Variants in DDX11 observed in about 807,000 individuals in gnomAD.
DDX11 encodes ATP-dependent DNA helicase DDX11.
Under a neutral mutation model 125.2 loss-of-function variants are expected in DDX11, and 72 were observed. The ratio of observed to expected loss-of-function variants is 0.58; its 90% CI spans 0.48 to 0.70. The LOEUF (loss-of-function observed/expected upper bound fraction) is 0.70, where lower values mean the gene tolerates loss of function less well. Ranked by LOEUF, DDX11 falls within the 30% of genes least tolerant of loss-of-function variation. The pLI is 0.00. For synonymous variants in DDX11, 347 were observed against 452.6 expected (o/e 0.77, Z 2.96); for missense variants, 883 against 1,165.0 (o/e 0.76, Z 3.52).
intron 2 of DDX11, among the ~76,000 whole-genome samples, chr12:31,079,679 CAGTCT>C (rs1343071196): frequency 6.6e-6 from 1 of 152,020 alleles, no homozygotes; most frequent in Non-Finnish European, 1.5e-5. Context: ...TTAAGATGGG[CAGTCT>C]CACTATGTGG....
intron 21 of DDX11, 44 bp downstream of exon 21, chr12:31,102,026 C>T (rs372851242): frequency 2.8e-4 from 447 of 1,596,816 alleles, no homozygotes; most frequent in Non-Finnish European, 3.7e-4. Context: ...AGGACAGTGC[C>T]ACTGAGTCCT....
intron 14 of DDX11, among the ~76,000 whole-genome samples, chr12:31,095,275 G>A (rs1945026148): frequency 6.6e-6 from 1 of 152,216 alleles, no homozygotes; most frequent in Admixed American, 6.5e-5. Flanking sequence ...CCCCAAGCTC[G>A]TAACTCAAAT....
intron 2 of DDX11, among the ~76,000 whole-genome samples, chr12:31,079,827 CAT>C (rs1941518415): frequency 6.6e-6 from 1 of 152,072 alleles, no homozygotes; most frequent in Admixed American, 6.5e-5. Context: ...TCTTTAAAAA[CAT>C]TTTTTTAACA....
intron 8 of DDX11, 55 bp from the exon 9 acceptor site, chr12:31,089,831 C>T (rs1224222031): frequency 1.6e-5 from 25 of 1,590,834 alleles, no homozygotes; most frequent in East Asian, 2.3e-5. Flanking sequence ...CTCTTGGGCC[C>T]GTGGACAGTT....
At chr12:31,095,312 A>C (rs1321721603) in intron 14 of DDX11, among the ~76,000 whole-genome samples, 6 of 152,204 alleles carry the variant, frequency 3.9e-5, no homozygotes, top group Admixed American at 6.5e-5. Context: ...CCCCGGGTAC[A>C]GGGTTCTGCC....
At chr12:31,077,588 C>T (rs1940919181) in intron 1 of DDX11, among the ~76,000 whole-genome samples, 1 of 151,958 alleles carries the variant, frequency 6.6e-6, no homozygotes, top group Non-Finnish European at 1.5e-5. Flanking sequence ...TGGCTCACGC[C>T]TGTAATCCCA....
intron 10 of DDX11, among the ~76,000 whole-genome samples, chr12:31,092,344 A>G (rs764829552): frequency 1.3e-5 from 2 of 152,128 alleles, no homozygotes; most frequent in Non-Finnish European, 2.9e-5. Flanking sequence ...CCTGTTTTAC[A>G]TTGGAAACTT....
intron 2 of DDX11, among the ~76,000 whole-genome samples, chr12:31,082,955 A>C (rs1328153365): frequency 1.3e-5 from 2 of 152,128 alleles, no homozygotes; most frequent in African/African-American, 2.4e-5. Flanking sequence ...CCCCTTTCCA[A>C]TAAGGATATT....
chr12:31,085,066 GGGA>G lies in DDX11; in HGVS notation c.586_588del (p.Glu196del). Reference sequence around the variant, plus strand: ...GAGCGGCTGGAGCAGCTGGAGTCTGGGGAGGAGGAGCTGGTCCTCGCCGAATAC... The same window carrying G: ...GAGCGGCTGGAGCAGCTGGAGTCTGGGGAGGAGCTGGTCCTCGCCGAATAC... On this transcript the variant is annotated inframe_deletion, in exon 5 of 27. Coordinates refer to ENST00000542838, the MANE Select transcript of DDX11 (RefSeq NM_030653.4). 6.2e-7 allele frequency: 1 copy of G among 1,604,772 alleles called. No individual in the cohort carries two copies. The highest frequency in any genetic ancestry group is 8.5e-7 in the Non-Finnish European group (1 of 1,175,352).
At chr12:31,092,155 C>G (rs1047964864) in intron 10 of DDX11, among the ~76,000 whole-genome samples, 1 of 152,176 alleles carries the variant, frequency 6.6e-6, no homozygotes, top group Non-Finnish European at 1.5e-5. Flanking sequence ...AGGGAGATGG[C>G]ATGTGTGAGG....
At chr12:31,089,565 A>AT in intron 8 of DDX11, 75 bp downstream of exon 8, 2 of 1,475,140 alleles carry the variant, frequency 1.4e-6, no homozygotes, top group Non-Finnish European at 1.9e-6. Context: ...ACTGAAGACC[A>AT]TTAAGTGTCT....
Position 31,103,612 on chromosome 12 carries a change from G to A in DDX11, c.2572G>A (p.Val858Ile), listed in dbSNP as rs1046457. 0.49 allele frequency: 770,229 copies of A among 1,583,138 alleles called. 197,972 individuals are homozygous for A. Among genetic ancestry groups the A allele is most frequent in the East Asian group, 0.84 (37,745 of 44,732 alleles). ...CAGGCACCAGAAGGATTTTGCCAGC[G>A]TAGTGCTCCTGGACCAGCGATATGC... ...AIRHQKDFAS[V>I]VLLDQRYARP... is the part of the protein sequence containing the mutation. The change falls in exon 26 of 27, where the codon GTA (valine) becomes ATA (isoleucine). Residue 858 changes from valine to isoleucine, a missense_variant. Around this residue, in one of 5 missense-constraint regions of DDX11, gnomAD observed 285 missense variants for 346.0 expected, o/e 0.82. Transcript: ENST00000542838.
chr12:31,099,013 G>T (rs1305736489), intron 18 of DDX11, among the ~76,000 whole-genome samples: 1 of 151,482 alleles, frequency 6.6e-6, no homozygotes, highest in East Asian at 1.9e-4. Flanking sequence ...TCGTGCTCCT[G>T]GGGCGTTTTG....
rs953170405 is a variant in DDX11, at chr12:31,094,875, C to G, written c.1482+53C>G. The G allele has an allele frequency of 6.9e-6, 11 of 1,589,380 alleles. No homozygotes were observed. In the African/African-American group the frequency reaches 1.3e-4, roughly 19 times the overall value. On this transcript the variant is annotated intron_variant, in intron 14 of 26. Transcript: ENST00000542838. ...ACATCCAATTTCCTTCCTGTCACCA[C>G]CTGTGGGTAAAGTACTATGTTAAGA...
chr12:31,097,687 A>AAAT (rs1945547171), intron 17 of DDX11, among the ~76,000 whole-genome samples, 198 bp from the exon 18 acceptor site: 1 of 151,670 alleles, frequency 6.6e-6, no homozygotes, highest in African/African-American at 2.4e-5. Context: ...CTCAAAAAAA[A>AAAT]AAAAAAAAAA....
chr12:31,091,892 C>A lies in DDX11; in HGVS notation c.1242+21C>A, dbSNP rs751579079. ...CCCAGGTGTGTGGGCCTCCCCTCCC[C>A]GGGCCAGGGCCTGCTGTGACGTAAA... On this transcript the variant is annotated intron_variant, in intron 10 of 26. Coordinates refer to ENST00000542838, the MANE Select transcript of DDX11 (RefSeq NM_030653.4). 3.7e-6 allele frequency: 6 copies of A among 1,613,730 alleles called. No homozygotes were observed. The East Asian group carries it at 1.3e-4, about 36-fold the overall frequency.
At chr12:31,096,817 C>T in intron 16 of DDX11, 42 bp from the exon 17 acceptor site, 2 of 1,614,188 alleles carry the variant, frequency 1.2e-6, no homozygotes, top group South Asian at 1.1e-5. Flanking sequence ...CATGTGTGGA[C>T]CTGACCAGAG....
At chr12:31,075,004 G>A (rs1199814501) in intron 1 of DDX11, among the ~76,000 whole-genome samples, 2 of 152,164 alleles carry the variant, frequency 1.3e-5, no homozygotes, top group African/African-American at 4.8e-5. Flanking sequence ...GATAATTGGG[G>A]ACTGAAGAAA....
At chr12:31,086,297 G>A (rs1943133989) in intron 5 of DDX11, 17 of 400,608 alleles carry the variant, frequency 4.2e-5, no homozygotes, top group South Asian at 3.2e-4. Context: ...CCTCTCCCTG[G>A]CTGGGCTCGA....
Sources: allele counts gnomAD v4.1 joint callset (sites outside exome capture counted in the v4.1 genomes callset), GRCh38; gene constraint gnomAD v4.1.1; regional missense constraint gnomAD v4.1.1; transcripts MANE v1.5; gene names NCBI Gene and HGNC (gene_info 2026-07-23, HGNC 2026-07-21).